The following WIPF1 variants were observed in gnomAD, a reference collection of about 807,000 sequenced individuals.
WIPF1 encodes the protein WAS/WASL-interacting protein family member 1.
Under a neutral mutation model 35.4 loss-of-function variants are expected in WIPF1, and 13 were observed. The observed-to-expected ratio is 0.37, with a 90% CI of 0.24 to 0.58. The LOEUF is 0.58. Among genes scored for constraint, WIPF1 ranks in the 20% least tolerant of loss-of-function variants. The pLI, the probability that WIPF1 is intolerant of heterozygous loss-of-function variation, is 0.74. For synonymous variants in WIPF1, 267 were observed against 266.3 expected (o/e 1.00, Z -0.02); for missense variants, 591 against 667.0 (o/e 0.89, Z 1.25).
chr2:174,616,940 A>T (rs1686523887), intron 1 of WIPF1, among the ~76,000 whole-genome samples: 1 of 152,028 alleles, frequency 6.6e-6, no homozygotes, highest in Non-Finnish European at 1.5e-5. Context: ...TCATCAAGGA[A>T]ATTTGTCTCA....
chr2:174,674,297 C>G (rs1395378140), intron 1 of WIPF1, among the ~76,000 whole-genome samples: 1 of 152,178 alleles, frequency 6.6e-6, no homozygotes, highest in African/African-American at 2.4e-5. Context: ...TCTCAAAGAA[C>G]CTTTGTCTTC....
chr2:174,607,504 G>C (rs1351838784), intron 1 of WIPF1, among the ~76,000 whole-genome samples: 1 of 152,192 alleles, frequency 6.6e-6, no homozygotes, highest in Non-Finnish European at 1.5e-5. Context: ...ACAAACTACA[G>C]CATTCACGGA....
At position 174,622,580 on chromosome 2, in the gene WIPF1, G is replaced by A. The variant is rs901560958; in HGVS notation, c.-38-36969C>T. On this transcript the variant is annotated intron_variant, in intron 1 of 8. Transcript: ENST00000272746. The surrounding 1 kb of genome is among the most constrained non-coding windows in gnomAD (Gnocchi z 5.1). Reference sequence around the variant, plus strand: ...CCCCTCTCTATGCCGCCAGTGCTCCGTGGGGTGCGCCTATCCTAACTCACC... The same window carrying A: ...CCCCTCTCTATGCCGCCAGTGCTCCATGGGGTGCGCCTATCCTAACTCACC... Among the ~76,000 whole-genome samples, 15 of 152,118 alleles carry A rather than the reference G, an allele frequency of 9.9e-5. No individual in the cohort carries two copies. Among genetic ancestry groups the A allele is most frequent in the Non-Finnish European group, 1.8e-4 (12 of 68,010 alleles).
upstream of WIPF1, among the ~76,000 whole-genome samples, chr2:174,598,767 GA>G (rs534251078): frequency 2.2e-3 from 341 of 152,282 alleles, no homozygotes; most frequent in African/African-American, 7.8e-3. Flanking sequence ...GAAGATGCTT[GA>G]CAAAAGCATA....
intron 5 of WIPF1, 135 bp from the exon 6 acceptor site, chr2:174,568,208 T>G: frequency 9.0e-7 from 1 of 1,115,634 alleles, no homozygotes; most frequent in Non-Finnish European, 1.2e-6. Flanking sequence ...GATATTTGGC[T>G]GAGAAATGAG....
intron 3 of WIPF1, among the ~76,000 whole-genome samples, chr2:174,577,004 A>G (rs550780974): frequency 1.3e-5 from 2 of 152,164 alleles, no homozygotes; most frequent in Non-Finnish European, 2.9e-5. Context: ...GAGATGTGGT[A>G]TATTTTCCCA....
At chr2:174,676,145 G>A (rs1688126113) in intron 1 of WIPF1, among the ~76,000 whole-genome samples, 1 of 149,694 alleles carries the variant, frequency 6.7e-6, no homozygotes, top group Non-Finnish European at 1.5e-5. Flanking sequence ...ATTTTTTGTA[G>A]AGACTGGGTC....
intron 1 of WIPF1, among the ~76,000 whole-genome samples, chr2:174,586,849 A>T (rs1685440502): frequency 6.6e-6 from 1 of 152,124 alleles, no homozygotes; most frequent in Non-Finnish European, 1.5e-5. Context: ...CAGCATTTTA[A>T]CAAGATCCCT....
Position 174,562,062 on chromosome 2 carries a change from A to C in WIPF1, c.*485T>G, listed in dbSNP as rs1344472286. 17 of 1,550,456 alleles carry C rather than the reference A, an allele frequency of 1.1e-5. No individual in the cohort carries two copies. The highest frequency in any genetic ancestry group is 1.5e-5 in the Non-Finnish European group (17 of 1,146,996). ...CCTAGAGCCAAGCTCGGACTGCCAA[A>C]GATTGGACATCCTGTGACTGCAAGT... On this transcript the variant is annotated 3_prime_UTR_variant, in exon 8 of 8. Transcript: ENST00000679041.
At chr2:174,578,853 T>G (rs1685147644) in intron 3 of WIPF1, among the ~76,000 whole-genome samples, 1 of 152,240 alleles carries the variant, frequency 6.6e-6, no homozygotes, top group South Asian at 2.1e-4. Flanking sequence ...CAAAATTGTT[T>G]CCATATAAAA....
At chr2:174,642,662 G>GTA in intron 1 of WIPF1, among the ~76,000 whole-genome samples, 18 of 139,990 alleles carry the variant, frequency 1.3e-4, no homozygotes, top group African/African-American at 5.1e-4. Flanking sequence ...TGTTGTTGTT[G>GTA]TTGTTGAGAC....
chr2:174,663,052 T>C (rs1026553713), intron 1 of WIPF1, among the ~76,000 whole-genome samples: 4 of 152,218 alleles, frequency 2.6e-5, no homozygotes, highest in Non-Finnish European at 5.9e-5. Flanking sequence ...ACCACTTCTC[T>C]ATAAACATGC....
chr2:174,648,504 G>C (rs1043803400), intron 1 of WIPF1, among the ~76,000 whole-genome samples: 5 of 152,144 alleles, frequency 3.3e-5, no homozygotes, highest in Non-Finnish European at 5.9e-5. Context: ...GCACTGTGGA[G>C]CATTAGTAAC....
At chr2:174,648,174 G>T (rs1157671424) in intron 1 of WIPF1, among the ~76,000 whole-genome samples, 1 of 152,130 alleles carries the variant, frequency 6.6e-6, no homozygotes, top group Non-Finnish European at 1.5e-5. Flanking sequence ...TTAATTAGTG[G>T]CAGTCATAAT....
intron 6 of WIPF1, 72 bp from the exon 7 acceptor site, chr2:174,567,255 AGAAT>A: frequency 2.2e-6 from 3 of 1,344,534 alleles, no homozygotes; most frequent in Non-Finnish European, 3.2e-6. Context: ...CGAAAGGCAC[AGAAT>A]GAAAGAGAGA....
intron 1 of WIPF1, among the ~76,000 whole-genome samples, chr2:174,597,310 C>T (rs1178629281): frequency 3.3e-5 from 5 of 152,164 alleles, no homozygotes; most frequent in Admixed American, 3.3e-4. Context: ...CCGACATAAG[C>T]CCCCAATTTA....
At chr2:174,629,943 C>A (rs1007594354) in intron 1 of WIPF1, 5 of 152,244 alleles carry the variant, frequency 3.3e-5, no homozygotes, top group Admixed American at 6.5e-5. Flanking sequence ...TTACAGTTTA[C>A]TAGCAAACCC....
At chr2:174,682,466 C>T (rs1267145045) in intron 1 of WIPF1, among the ~76,000 whole-genome samples, 1 of 152,120 alleles carries the variant, frequency 6.6e-6, no homozygotes, top group African/African-American at 2.4e-5. Flanking sequence ...CCCGGGTCCG[C>T]GGAGTCCAGC....
At chr2:174,601,306 C>T (rs1356419959), upstream of WIPF1, among the ~76,000 whole-genome samples, 3 of 152,148 alleles carry the variant, frequency 2.0e-5, no homozygotes, top group Admixed American at 2.0e-4. Context: ...CTTAAGCCTT[C>T]TTGGGAGAAG....
Sources: gnomAD v4.1 joint callset for allele counts (sites outside exome capture counted in the v4.1 genomes callset) on GRCh38, gnomAD v4.1.1 for gene constraint, Gnocchi (gnomAD v3.1) non-coding constraint, MANE v1.5 for transcripts, NCBI Gene and HGNC (gene_info 2026-07-23, HGNC 2026-07-21) for gene names.